Variants in PIK3C2B observed in about 807,000 individuals in gnomAD.
The protein encoded by PIK3C2B is phosphatidylinositol 4-phosphate 3-kinase C2 domain-containing subunit beta.
Under a neutral mutation model 184.3 loss-of-function variants are expected in PIK3C2B, and 83 were observed. The observed-to-expected ratio is 0.45, with a 90% confidence interval of 0.38 to 0.54. PIK3C2B has a LOEUF of 0.54. Among genes scored for constraint, PIK3C2B ranks in the 20% least tolerant of loss-of-function variants. The pLI is 0.00. For synonymous variants in PIK3C2B, 779 were observed against 837.6 expected, an observed-to-expected ratio of 0.93 and a Z score of 1.21; for missense variants, 1,736 against 2,113.5, an observed-to-expected ratio of 0.82 and a Z score of 3.50.
At chr1:204,438,825 A>G (rs1675489607) in intron 23 of PIK3C2B, 110 bp downstream of exon 23, 6 of 1,267,986 alleles carry the variant, frequency 4.7e-6, no homozygotes, top group African/African-American at 1.5e-5. Flanking sequence ...CCTTCTGCCA[A>G]CAAAGCTGAG....
intron 1 of PIK3C2B, among the ~76,000 whole-genome samples, chr1:204,483,984 G>A (rs1245578589): frequency 6.6e-6 from 1 of 152,178 alleles, no homozygotes; most frequent in Non-Finnish European, 1.5e-5. Flanking sequence ...CAGTCCATAG[G>A]AACTGTGTCG....
chr1:204,480,964 T>G (rs1258163816), intron 1 of PIK3C2B, among the ~76,000 whole-genome samples: 1 of 152,010 alleles, frequency 6.6e-6, no homozygotes, highest in Non-Finnish European at 1.5e-5. Flanking sequence ...TGCTAACTCC[T>G]CAAATATCAA....
chr1:204,431,254 A>T, intron 28 of PIK3C2B: 2 of 240,818 alleles, frequency 8.3e-6, no homozygotes, highest in Non-Finnish European at 8.3e-6. Context: ...TTTTTTTGTG[A>T]CTGGCTTATT....
rs767925538 is a variant in PIK3C2B at position 204,468,996 on chromosome 1, G to A, written c.807C>T (p.Thr269=). The change falls in exon 2 of 33, where the codon ACC becomes ACT. Residue 269 remains threonine, a synonymous_variant. Coordinates refer to ENST00000684373, the MANE Select transcript of PIK3C2B (RefSeq NM_001377334.1). ...GRGPLDFSKD[T]SGKPVARSKT... ...TGCTCCTGGCCACGGGTTTTCCAGAGGTGTCTTTGCTGAAGTCCAGCGGCC... is the reference window on the plus strand; with the variant it reads ...TGCTCCTGGCCACGGGTTTTCCAGAAGTGTCTTTGCTGAAGTCCAGCGGCC... The A allele has an allele frequency of 6.2e-7, 1 of 1,614,224 alleles. No homozygotes were observed. Among genetic ancestry groups the A allele is most frequent in the East Asian group, 2.2e-5 (1 of 44,888 alleles).
intron 21 of PIK3C2B, among the ~76,000 whole-genome samples, chr1:204,440,806 T>A (rs183650946): frequency 4.0e-5 from 6 of 150,318 alleles, no homozygotes; most frequent in African/African-American, 1.2e-4. Flanking sequence ...AGAGATGGGG[T>A]CTCACCATCT....
chr1:204,494,804 CCGCCGCGAGCCGGAGGG>C (rs1658267900), exon 1 of PIK3C2B: 1 of 152,230 alleles, frequency 6.6e-6, no homozygotes, highest in Non-Finnish European at 1.5e-5. Context: ...AGCGCCGAAT[CCGCCGCGAGCCGGAGGG>C]CGGGGCGGCT....
At chr1:204,438,723 A>G (rs1050120666) in intron 23 of PIK3C2B, among the ~76,000 whole-genome samples, 20 of 152,202 alleles carry the variant, frequency 1.3e-4, no homozygotes, top group African/African-American at 4.6e-4. Flanking sequence ...TCAGTCCAGC[A>G]TCAGGGGATT....
chr1:204,440,252 G>C lies in PIK3C2B; in HGVS notation c.3319C>G (p.Gln1107Glu), dbSNP rs751075823. The C allele has an allele frequency of 1.2e-6, 2 of 1,611,602 alleles. No homozygotes were observed. Among genetic ancestry groups the C allele is most frequent in the Admixed American group, 3.3e-5 (2 of 59,876 alleles). Residue 1107 changes from glutamine to glutamate, a missense_variant, in exon 22 of 33, where the codon CAG becomes GAG. Gln to Glu is a conservative substitution (Grantham distance 29, BLOSUM62 2). Coordinates refer to ENST00000684373, the MANE Select transcript of PIK3C2B (RefSeq NM_001377334.1). ...ACCATGCGCATGTCCAGCCCCTCCT[G>C]GACCCAGATCTTGCTCATGATGCGA... ...MIRIMSKIWV[Q>E]EGLDMRMVIF...
intron 17 of PIK3C2B, 42 bp downstream of exon 17, chr1:204,444,289 G>A: frequency 6.5e-7 from 1 of 1,541,384 alleles, no homozygotes; most frequent in South Asian, 1.1e-5. Flanking sequence ...GGGATACTGG[G>A]GATGGGACCA....
chr1:204,450,500 C>T (rs1654258979), intron 12 of PIK3C2B, among the ~76,000 whole-genome samples: 1 of 151,996 alleles, frequency 6.6e-6, no homozygotes, highest in Non-Finnish European at 1.5e-5. Flanking sequence ...TGTTCTCTGC[C>T]CTCGGTTCAC....
Position 204,427,322 on chromosome 1 carries a change from C to A in PIK3C2B, c.4587+326G>T, listed in dbSNP as rs183077786. On this transcript the variant is annotated intron_variant, in intron 31 of 32. Coordinates refer to ENST00000684373, the MANE Select transcript of PIK3C2B (RefSeq NM_001377334.1). ...TATAATTACTATAAAAATCATTATT[C>A]TAATAAAACCAGGCATGGTGTTAAG... Among the ~76,000 whole-genome samples the A allele has an allele frequency of 1.6e-3, 237 of 152,258 alleles. 7 individuals are homozygous for A. Among genetic ancestry groups the A allele is most frequent in the Admixed American group, 0.014 (220 of 15,298 alleles).
At chr1:204,491,908 T>C (rs188053267) in intron 1 of PIK3C2B, among the ~76,000 whole-genome samples, 2 of 152,268 alleles carry the variant, frequency 1.3e-5, no homozygotes, top group African/African-American at 4.8e-5. Flanking sequence ...TGTTTATCCC[T>C]CCTCAATTCC....
At position 204,423,968 on chromosome 1, in the gene PIK3C2B, T is replaced by G. The variant is rs1213596199; in HGVS notation, c.*884A>C. On this transcript the variant is annotated 3_prime_UTR_variant, in exon 33 of 33. Transcript: ENST00000684373. ...TGGGGAAGCACCCCCAGCATATTCA[T>G]AGAGACCAGCTGACCCCCAGAAGGG... 1 of 152,462 alleles carries G rather than the reference T, an allele frequency of 6.6e-6. No homozygotes were observed. Among genetic ancestry groups the G allele is most frequent in the East Asian group, 1.9e-4 (1 of 5,188 alleles). 9.4% of individuals were successfully genotyped at this position (152,462 alleles called of 1,614,324 possible). A position where few individuals can be genotyped will look rare whatever the true frequency, so the allele number is the denominator to read the frequency against.
intron 15 of PIK3C2B, among the ~76,000 whole-genome samples, chr1:204,446,478 G>C (rs1029918777): frequency 6.6e-5 from 10 of 152,318 alleles, no homozygotes; most frequent in Admixed American, 4.6e-4. Context: ...GGACATCTTG[G>C]ATGGAGAATG....
At chr1:204,452,994 T>G (rs1558252691) in intron 12 of PIK3C2B, among the ~76,000 whole-genome samples, 2 of 152,018 alleles carry the variant, frequency 1.3e-5, no homozygotes, top group Non-Finnish European at 1.5e-5. Flanking sequence ...ATTACCTAAG[T>G]GTGAAGGGCA....
intron 1 of PIK3C2B, among the ~76,000 whole-genome samples, chr1:204,486,634 G>A (rs1189212885): frequency 1.3e-5 from 2 of 152,062 alleles, no homozygotes; most frequent in Non-Finnish European, 2.9e-5. Context: ...GGAGGCAGAG[G>A]TGGGAGAATC....
At position 204,466,164 on chromosome 1, in the gene PIK3C2B, G is replaced by A. The variant is rs377521068; in HGVS notation, c.934-845C>T. Among the ~76,000 whole-genome samples, 571 of 152,318 alleles carry A rather than the reference G, an allele frequency of 3.7e-3. 3 individuals carry two copies. The highest frequency in any genetic ancestry group is 0.013 in the African/African-American group (550 of 41,574). On this transcript the variant is annotated intron_variant, in intron 2 of 32. Transcript: ENST00000684373. ...TAGGGAGAAGGAAGTGAGGGGGAGG[G>A]AGAGCTGGTGCATGACAGGTTTCTG... is the stretch of plus-strand genomic sequence containing the variant.
In PIK3C2B at chr1:204,438,985, G is replaced by T; in HGVS notation, c.3466C>A (p.Leu1156Met). ...GVTGSFKDRP[L>M]ADWLQKHNPG... ...TTGTGTTTCTGCAGCCAGTCTGCCA[G>T]GGGCCGGTCCTTGAACGAGCCGGTC... Residue 1156 changes from leucine (L) to methionine (M), a missense_variant, in exon 23 of 33, where the codon CTG (leucine) becomes ATG (methionine). Coordinates refer to ENST00000684373, the MANE Select transcript of PIK3C2B (RefSeq NM_001377334.1). The T allele has an allele frequency of 1.9e-6, 3 of 1,614,138 alleles. No individual in the cohort carries two copies. Among genetic ancestry groups the T allele is most frequent in the Non-Finnish European group, 1.7e-6 (2 of 1,180,042 alleles).
chr1:204,443,242 G>A (rs141538006), intron 19 of PIK3C2B, among the ~76,000 whole-genome samples, 175 bp downstream of exon 19: 2 of 152,310 alleles, frequency 1.3e-5, no homozygotes, highest in East Asian at 1.9e-4. Context: ...ACACATCCAC[G>A]GGCTGTATCC....
Sources: allele counts gnomAD v4.1 joint callset (sites outside exome capture counted in the v4.1 genomes callset), GRCh38; gene constraint gnomAD v4.1.1; transcripts MANE v1.5; gene names NCBI Gene and HGNC (gene_info 2026-07-23, HGNC 2026-07-21).